GALNT7: variants seen among roughly 807,000 people sequenced by gnomAD.
GALNT7 encodes polypeptide N-acetylgalactosaminyltransferase 7.
A neutral mutation model predicts 82.1 loss-of-function variants in GALNT7; 60 were observed. That is an observed-to-expected ratio of 0.73 (90% CI 0.59 to 0.91). The LOEUF is 0.91. Ranked by LOEUF, GALNT7 falls within the 40% of genes least tolerant of loss-of-function variation. The pLI is 0.00. For missense variants in GALNT7, 660 were observed against 804.2 expected (o/e 0.82, Z 2.17); for synonymous variants, 243 against 275.1 (o/e 0.88, Z 1.15).
chr4:173,242,913 AG>A (rs1485975005), intron 1 of GALNT7, among the ~76,000 whole-genome samples: 5 of 152,210 alleles, frequency 3.3e-5, no homozygotes, highest in Non-Finnish European at 7.3e-5. Context: ...TTCTGAAGAA[AG>A]GTGTTTTTGA....
At position 173,248,258 on chromosome 4, in the gene GALNT7, T is replaced by A; in HGVS notation, c.405T>A (p.Phe135Leu). ...TTCGCCCAGGGATCCTCGGTAACTT[T>A]GAACCCAAAGAACCTGAGCCTCCTG... Reference protein sequence around the residue: ...PVLRPGILGNFEPKEPEPPGV... With the variant: ...PVLRPGILGNLEPKEPEPPGV... The change falls in exon 2 of 12, where the codon TTT becomes TTA. Residue 135 changes from phenylalanine to leucine, a missense_variant. By Grantham distance (22) the Phe-to-Leu change is conservative (BLOSUM62 0). This residue lies in a region of GALNT7 where 527 missense variants were observed against 683.5 expected (regional missense o/e 0.77). Transcript: ENST00000265000. The A allele has an allele frequency of 6.2e-7, 1 of 1,613,988 alleles. No homozygotes were observed.
At chr4:173,216,201 C>T (rs1733451955) in intron 1 of GALNT7, among the ~76,000 whole-genome samples, 1 of 152,078 alleles carries the variant, frequency 6.6e-6, no homozygotes, top group Non-Finnish European at 1.5e-5. Context: ...ATATGTTCAC[C>T]CTTTTCTCTT....
At chr4:173,215,940 C>T (rs1487361890) in intron 1 of GALNT7, among the ~76,000 whole-genome samples, 1 of 152,062 alleles carries the variant, frequency 6.6e-6, no homozygotes, top group Non-Finnish European at 1.5e-5. Context: ...GAAACCCCTT[C>T]TCTCTCTAAA....
chr4:173,200,783 T>TA (rs1367376533), intron 1 of GALNT7, among the ~76,000 whole-genome samples: 1 of 152,234 alleles, frequency 6.6e-6, no homozygotes, highest in Non-Finnish European at 1.5e-5. Context: ...CCTGAAATCT[T>TA]ACATTGTAGA....
chr4:173,180,326 C>CTTTTTTT lies in GALNT7; in HGVS notation c.126+11377_126+11383dup, dbSNP rs10687213. 1.4e-4 allele frequency among the ~76,000 whole-genome samples: 17 copies of CTTTTTTT among 123,216 alleles called. 4 individuals are homozygous for CTTTTTTT. Among genetic ancestry groups the CTTTTTTT allele is most frequent in the African/African-American group, 1.8e-4 (6 of 32,528 alleles). The allele number at this position is 123,216 out of a possible 152,430, so 80.8% of individuals were successfully genotyped here. ...AATATATTTCATCATATTGGAGTTCCTTTTTTTTTTTTTTTTTTGAGATGG... is the reference window on the plus strand; with the variant it reads ...AATATATTTCATCATATTGGAGTTCCTTTTTTTTTTTTTTTTTTTTTTTTTGAGATGG... On this transcript the variant is annotated intron_variant, in intron 1 of 11. Transcript: ENST00000265000.
At chr4:173,298,800 A>G (rs1208868893) in intron 6 of GALNT7, among the ~76,000 whole-genome samples, 3 of 152,210 alleles carry the variant, frequency 2.0e-5, no homozygotes, top group African/African-American at 4.8e-5. Context: ...CTCAAATACT[A>G]ATTTTGTACT....
intron 1 of GALNT7, among the ~76,000 whole-genome samples, chr4:173,225,624 A>G (rs1472091324): frequency 6.6e-6 from 1 of 152,214 alleles, no homozygotes; most frequent in Non-Finnish European, 1.5e-5. Flanking sequence ...GTGCTCATAT[A>G]TTAATATTCC....
intron 5 of GALNT7, 35 bp downstream of exon 5, chr4:173,295,878 A>C: frequency 8.5e-7 from 1 of 1,176,914 alleles, no homozygotes; most frequent in Non-Finnish European, 1.3e-6. Context: ...TTCCTGGTTG[A>C]AAGTAAACCT....
rs1386392423 is a variant in GALNT7, at chr4:173,320,207, T to C, written c.1837-1373T>C. Among the ~76,000 whole-genome samples the C allele has an allele frequency of 6.6e-6, 1 of 152,084 alleles. No homozygotes were observed. The highest frequency in any genetic ancestry group is 1.5e-5 in the Non-Finnish European group (1 of 68,002). On this transcript the variant is annotated intron_variant, in intron 11 of 11. Coordinates refer to ENST00000265000, the MANE Select transcript of GALNT7 (RefSeq NM_017423.3). This position sits in a 1 kb window ranked among gnomAD's most constrained non-coding sequence, Gnocchi z 4.1. ...AGCTTGAGCAGCAGTTCTCAAACTTTCTGTCCTCTGGATTCCCTTTACACT... is the reference window on the plus strand; with the variant it reads ...AGCTTGAGCAGCAGTTCTCAAACTTCCTGTCCTCTGGATTCCCTTTACACT...
chr4:173,207,464 CCTGA>C (rs1039652042), intron 1 of GALNT7, among the ~76,000 whole-genome samples: 7 of 152,044 alleles, frequency 4.6e-5, no homozygotes, highest in Non-Finnish European at 8.8e-5. Context: ...AGCTTAGTGT[CCTGA>C]CTTTCTCTCG....
At chr4:173,233,415 A>T (rs1031861013) in intron 1 of GALNT7, among the ~76,000 whole-genome samples, 2 of 152,150 alleles carry the variant, frequency 1.3e-5, no homozygotes, top group African/African-American at 4.8e-5. Flanking sequence ...TGTCTTTTTG[A>T]TAAGAACCTT....
At chr4:173,280,025 T>A (rs1271257972) in intron 2 of GALNT7, among the ~76,000 whole-genome samples, 1 of 151,956 alleles carries the variant, frequency 6.6e-6, no homozygotes, top group African/African-American at 2.4e-5. Flanking sequence ...GTTTCTCAAA[T>A]TGAGGATTTG....
intron 1 of GALNT7, among the ~76,000 whole-genome samples, chr4:173,216,721 A>ATTTT (rs1561157851): frequency 1.8e-4 from 2 of 11,300 alleles, no homozygotes; most frequent in African/African-American, 3.2e-4. Context: ...ATATATATAT[A>ATTTT]TATATATTTT....
intron 1 of GALNT7, among the ~76,000 whole-genome samples, chr4:173,181,888 G>C (rs182837391): frequency 1.5e-3 from 222 of 152,248 alleles, no homozygotes; most frequent in African/African-American, 5.2e-3. Flanking sequence ...CATTAATTAT[G>C]ACTGCAAGAA....
intron 1 of GALNT7, among the ~76,000 whole-genome samples, chr4:173,210,733 A>C (rs1020325696): frequency 6.6e-6 from 1 of 152,134 alleles, no homozygotes; most frequent in African/African-American, 2.4e-5. Flanking sequence ...TGCCTGGCCT[A>C]CTTTTTCCTT....
intron 3 of GALNT7, among the ~76,000 whole-genome samples, chr4:173,293,256 A>T (rs1736604601): frequency 6.6e-6 from 1 of 152,038 alleles, no homozygotes; most frequent in Admixed American, 6.6e-5. Context: ...TGGACCTCAG[A>T]GTATTCTGTA....
At chr4:173,284,730 A>C (rs1272501497) in intron 2 of GALNT7, among the ~76,000 whole-genome samples, 1 of 151,482 alleles carries the variant, frequency 6.6e-6, no homozygotes, top group Non-Finnish European at 1.5e-5. Context: ...TGAAAAAAAA[A>C]ACAACAACAA....
At chr4:173,309,797 TTAAA>T (rs2126861275) in intron 8 of GALNT7, among the ~76,000 whole-genome samples, 1 of 152,266 alleles carries the variant, frequency 6.6e-6, no homozygotes, top group African/African-American at 2.4e-5. Context: ...GGGATGAGAT[TTAAA>T]TGTCTGTGAT....
chr4:173,232,953 CT>C (rs2126711790), intron 1 of GALNT7, among the ~76,000 whole-genome samples: 1 of 152,272 alleles, frequency 6.6e-6, no homozygotes, highest in South Asian at 2.1e-4. Flanking sequence ...GTGAGATCCA[CT>C]TTTTTAGCTC....
Sources: allele counts gnomAD v4.1 joint callset (sites outside exome capture counted in the v4.1 genomes callset), GRCh38; gene constraint gnomAD v4.1.1; regional missense constraint gnomAD v4.1.1; non-coding constraint Gnocchi (gnomAD v3.1); transcripts MANE v1.5; gene names NCBI Gene and HGNC (gene_info 2026-07-23, HGNC 2026-07-21).